Variants in SMARCA2 observed in about 807,000 individuals in gnomAD.
SMARCA2 encodes the protein SWI/SNF-related matrix-associated actin-dependent regulator of chromatin subfamily A member 2.
Under a neutral mutation model 199.8 loss-of-function variants are expected in SMARCA2, and 61 were observed. The observed-to-expected ratio is 0.31, with a 90% CI of 0.25 to 0.38. The LOEUF (loss-of-function observed/expected upper bound fraction) is 0.38, where lower values mean the gene tolerates loss of function less well. Among genes scored for constraint, SMARCA2 ranks in the 10% least tolerant of loss-of-function variants. The pLI, the probability that SMARCA2 is intolerant of heterozygous loss-of-function variation, is 1.00. For synonymous variants in SMARCA2, 935 were observed against 732.0 expected (o/e 1.28, Z -4.48); for missense variants, 1,344 against 2,012.2 (o/e 0.67, Z 6.35).
chr9:2,020,731 TTATAAATA>T (rs923877394), intron 1 of SMARCA2, among the ~76,000 whole-genome samples: 1 of 152,178 alleles, frequency 6.6e-6, no homozygotes, highest in Non-Finnish European at 1.5e-5. Flanking sequence ...GTAGTAAAAG[TTATAAATA>T]TATCGTCAAA....
intron 27 of SMARCA2, among the ~76,000 whole-genome samples, chr9:2,146,829 A>G (rs1172295881): frequency 6.6e-6 from 1 of 152,034 alleles, no homozygotes; most frequent in Non-Finnish European, 1.5e-5. Context: ...AGTGAGGGCC[A>G]CCAGAGGTCA....
At chr9:2,082,044 T>G (rs755364360) in intron 15 of SMARCA2, 49 bp downstream of exon 15, 1 of 1,488,814 alleles carries the variant, frequency 6.7e-7, no homozygotes, top group Non-Finnish European at 9.2e-7. Flanking sequence ...TGTTGTAGAG[T>G]GCCCGATTAG....
intron 9 of SMARCA2, among the ~76,000 whole-genome samples, chr9:2,068,376 AT>A (rs35620522): frequency 0.061 from 9,208 of 151,380 alleles, 805 homozygotes; most frequent in African/African-American, 0.2. Context: ...TGGAAGCTGC[AT>A]TTTTTTTTAT....
At chr9:2,101,720 C>A in intron 22 of SMARCA2, 104 bp downstream of exon 22, 2 of 587,298 alleles carry the variant, frequency 3.4e-6, no homozygotes, top group East Asian at 3.1e-5. Context: ...TACTTCCAGC[C>A]CTCTAAGGGC....
At position 2,086,590 on chromosome 9, in the gene SMARCA2, T is replaced by G. The variant is rs180945499; in HGVS notation, c.2527-239T>G. Among the ~76,000 whole-genome samples the G allele has an allele frequency of 3.8e-3, 579 of 152,302 alleles. 3 individuals are homozygous for G. The highest frequency in any genetic ancestry group is 0.013 in the African/African-American group (541 of 41,564). ...CCAAATTTCCTTCTTTGTAAAAAGT[T>G]GATTTGGAATTACGTGGTCTGTAAG... On this transcript the variant is annotated intron_variant, in intron 17 of 33. Coordinates refer to ENST00000349721, the MANE Select transcript of SMARCA2 (RefSeq NM_003070.5). This position sits in a 1 kb window ranked among gnomAD's most constrained non-coding sequence, Gnocchi z 4.3.
At chr9:2,163,970 C>G (rs376593288) in intron 28 of SMARCA2, among the ~76,000 whole-genome samples, 4 of 152,078 alleles carry the variant, frequency 2.6e-5, no homozygotes, top group African/African-American at 9.7e-5. Flanking sequence ...CCATCCCCCA[C>G]CCTTTTGAAA....
chr9:2,022,333 G>A (rs116842386), intron 1 of SMARCA2, among the ~76,000 whole-genome samples: 1,524 of 152,252 alleles, frequency 0.01, 10 homozygotes, highest in Non-Finnish European at 0.014. Flanking sequence ...TATTTGATTC[G>A]TATCAAAATT....
chr9:2,095,894 A>G (rs546022434), intron 19 of SMARCA2, among the ~76,000 whole-genome samples: 290 of 152,368 alleles, frequency 1.9e-3, no homozygotes, highest in African/African-American at 6.7e-3. Context: ...TAAATAAAGA[A>G]AAACAATGGT....
chr9:2,034,257 A>C (rs1171197370), intron 3 of SMARCA2, among the ~76,000 whole-genome samples: 5 of 152,038 alleles, frequency 3.3e-5, no homozygotes, highest in African/African-American at 9.7e-5. Context: ...AAAAAAAAAA[A>C]AAAAAAAAAC....
chr9:2,097,224 G>A (rs1822309694), intron 20 of SMARCA2, 161 bp from the exon 21 acceptor site: 4 of 549,844 alleles, frequency 7.3e-6, no homozygotes, highest in Non-Finnish European at 1.3e-5. Flanking sequence ...TCTAACTCAG[G>A]AACTGCTATA....
chr9:2,053,326 C>A (rs1035905424), intron 5 of SMARCA2, among the ~76,000 whole-genome samples: 2 of 152,120 alleles, frequency 1.3e-5, no homozygotes, highest in Non-Finnish European at 2.9e-5. Context: ...TATGGCTGTG[C>A]ATAATTTTTA....
At chr9:2,042,547 T>G (rs1225489832) in intron 4 of SMARCA2, 1 of 152,230 alleles carries the variant, frequency 6.6e-6, no homozygotes, top group African/African-American at 2.4e-5. Context: ...GTAGTAAAAT[T>G]TAAAGGATGA....
At chr9:2,108,162 C>T (rs1277970138) in intron 23 of SMARCA2, among the ~76,000 whole-genome samples, 1 of 152,176 alleles carries the variant, frequency 6.6e-6, no homozygotes, top group Non-Finnish European at 1.5e-5. Flanking sequence ...ATCTCTTGGG[C>T]ACTTGCGCTC....
intron 31 of SMARCA2, 118 bp downstream of exon 31, chr9:2,182,360 CTAAA>C (rs1203307839): frequency 4.7e-6 from 3 of 633,264 alleles, no homozygotes; most frequent in Non-Finnish European, 8.2e-6. Flanking sequence ...AGAAAAATAA[CTAAA>C]AGCCTATGTT....
rs962660816 is a variant in SMARCA2, at chr9:2,109,634, G to C, written c.3293-620G>C. 1.5e-4 allele frequency among the ~76,000 whole-genome samples: 11 copies of C among 71,510 alleles called. No individual in the cohort carries two copies. In the African/African-American group the frequency reaches 2.9e-3, roughly 19 times the overall value. The allele number at this position is 71,510 out of a possible 152,430, so 46.9% of individuals were successfully genotyped here. A position where few individuals can be genotyped will look rare whatever the true frequency, so the allele number is the denominator to read the frequency against. ...GAAACAGACTAAGAGATTTCTTGTG[G>C]GGGGGGTGGGGATTATTGTGGCTTT... On this transcript the variant is annotated intron_variant, in intron 23 of 33. Coordinates refer to ENST00000349721, the MANE Select transcript of SMARCA2 (RefSeq NM_003070.5).
At chr9:2,080,442 A>G (rs1821516344) in intron 14 of SMARCA2, among the ~76,000 whole-genome samples, 1 of 152,188 alleles carries the variant, frequency 6.6e-6, no homozygotes. Flanking sequence ...AATTTTCTCT[A>G]AAAAAAGCAG....
chr9:2,184,861 T>C (rs538684559), intron 31 of SMARCA2, among the ~76,000 whole-genome samples: 1 of 151,434 alleles, frequency 6.6e-6, no homozygotes. Context: ...TCTCTCTCTC[T>C]CGCGCGGGTC....
intron 3 of SMARCA2, among the ~76,000 whole-genome samples, chr9:2,035,302 C>G (rs1050587686): frequency 7.9e-5 from 12 of 152,128 alleles, no homozygotes; most frequent in African/African-American, 2.7e-4. Flanking sequence ...CTCAGCCTCC[C>G]ACAGTGCTGG....
intron 21 of SMARCA2, 77 bp from the exon 22 acceptor site, chr9:2,101,493 A>T: frequency 1.4e-6 from 1 of 731,956 alleles, no homozygotes; most frequent in Non-Finnish European, 2.2e-6. Context: ...TAGGTAGGAT[A>T]ACCTCACTAA....
Sources: allele counts gnomAD v4.1 joint callset (sites outside exome capture counted in the v4.1 genomes callset), GRCh38; gene constraint gnomAD v4.1.1; non-coding constraint Gnocchi (gnomAD v3.1); transcripts MANE v1.5; gene names NCBI Gene and HGNC (gene_info 2026-07-23, HGNC 2026-07-21).